The following FAM118B variants were observed in gnomAD, a reference collection of about 807,000 sequenced individuals.
FAM118B encodes the protein SIR2 antiphage like 1, also known as protein FAM118B.
Under a neutral mutation model 38.5 loss-of-function variants are expected in FAM118B, and 24 were observed. The observed-to-expected ratio is 0.62, with a 90% CI of 0.45 to 0.88. The LOEUF (loss-of-function observed/expected upper bound fraction) is 0.88. Ranked by LOEUF, FAM118B falls within the 40% of genes least tolerant of loss-of-function variation. The pLI is 0.00. For missense variants in FAM118B, 334 were observed against 420.0 expected (o/e 0.80, Z 1.79); for synonymous variants, 138 against 156.3 (o/e 0.88, Z 0.87).
chr11:126,254,213 G>T (rs1950543346), intron 5 of FAM118B, 92 bp from the exon 6 acceptor site: 19 of 1,457,038 alleles, frequency 1.3e-5, no homozygotes, highest in Non-Finnish European at 1.8e-5. Flanking sequence ...TATGTCAGAA[G>T]TCTAGTCCTC....
chr11:126,211,958 C>G (rs1175350958), intron 1 of FAM118B, 128 bp downstream of exon 1: 1 of 316,068 alleles, frequency 3.2e-6, no homozygotes, highest in Non-Finnish European at 5.9e-6. Context: ...CCTTTTGGTA[C>G]ACGATCCCAC....
At chr11:126,249,604 G>A (rs888609248) in intron 4 of FAM118B, among the ~76,000 whole-genome samples, 1 of 151,858 alleles carries the variant, frequency 6.6e-6, no homozygotes, top group South Asian at 2.1e-4. Context: ...AGTGGCAGGC[G>A]CCTGTAATCC....
intron 7 of FAM118B, among the ~76,000 whole-genome samples, chr11:126,257,812 T>C (rs933993012): frequency 2.0e-5 from 3 of 152,154 alleles, no homozygotes; most frequent in Non-Finnish European, 4.4e-5. Flanking sequence ...AGTCAGAGGA[T>C]AGGGGTATCA....
chr11:126,235,575 G>A (rs1251478915), intron 3 of FAM118B, among the ~76,000 whole-genome samples: 2 of 151,976 alleles, frequency 1.3e-5, no homozygotes, highest in African/African-American at 4.8e-5. Context: ...CTGGAGTTCA[G>A]TGGCACGATC....
rs1245677715 is a variant in FAM118B, at chr11:126,237,887, A to G, written c.86+2800A>G. Among the ~76,000 whole-genome samples, 6 of 150,456 alleles carry G rather than the reference A, an allele frequency of 4.0e-5. No homozygotes were observed. The East Asian group carries it at 9.8e-4, about 25-fold the overall frequency. Reference sequence around the variant, plus strand: ...AAAAAAAAAAAAGAAAAGAAAAAATATATGTGAGGATATCATTGTTTTCTT... The same window carrying G: ...AAAAAAAAAAAAGAAAAGAAAAAATGTATGTGAGGATATCATTGTTTTCTT... On this transcript the variant is annotated intron_variant, in intron 3 of 8. Transcript: ENST00000533050.
intron 4 of FAM118B, among the ~76,000 whole-genome samples, chr11:126,245,811 A>T (rs950912353): frequency 5.3e-5 from 8 of 152,192 alleles, no homozygotes; most frequent in Admixed American, 2.0e-4. Context: ...AGCCTGGCCA[A>T]CATGGTGAAA....
chr11:126,221,453 A>C (rs1400519923), intron 1 of FAM118B, among the ~76,000 whole-genome samples: 1 of 152,208 alleles, frequency 6.6e-6, no homozygotes, highest in African/African-American at 2.4e-5. Flanking sequence ...TATTTCTACT[A>C]TTCAGAGATC....
At chr11:126,243,023 A>G (rs985601781) in intron 4 of FAM118B, among the ~76,000 whole-genome samples, 13 of 152,228 alleles carry the variant, frequency 8.5e-5, no homozygotes, top group Non-Finnish European at 1.6e-4. Flanking sequence ...TTAATTGGCC[A>G]TTAAAAGGAA....
intron 2 of FAM118B, among the ~76,000 whole-genome samples, chr11:126,233,941 A>T (rs1950239881): frequency 6.6e-6 from 1 of 152,004 alleles, no homozygotes; most frequent in Non-Finnish European, 1.5e-5. Flanking sequence ...ATTCCACCAG[A>T]TGTGGTAGCA....
At chr11:126,248,038 C>T (rs1326393848) in intron 4 of FAM118B, among the ~76,000 whole-genome samples, 4 of 149,844 alleles carry the variant, frequency 2.7e-5, no homozygotes, top group South Asian at 2.1e-4. Context: ...CCCAGCTACT[C>T]GGGAGGATGA....
chr11:126,259,749 TTC>T (rs1336922489), intron 7 of FAM118B, among the ~76,000 whole-genome samples: 1 of 136,774 alleles, frequency 7.3e-6, no homozygotes, highest in Non-Finnish European at 1.6e-5. Flanking sequence ...GAGATGGAGT[TTC>T]TCTCTGTCAC....
chr11:126,261,514 ACT>A (rs2135228713), intron 8 of FAM118B, 30 bp downstream of exon 8: 1 of 1,570,682 alleles, frequency 6.4e-7, no homozygotes, highest in East Asian at 2.2e-5. Context: ...ACTATTTATC[ACT>A]CTGTAGCAGA....
rs138767340 is a variant in FAM118B at position 126,261,440 on chromosome 11, A to G, written c.998A>G (p.Glu333Gly). The change falls in exon 8 of 9, where the codon GAA becomes GGA. Residue 333 changes from glutamate (E) to glycine (G), a missense_variant. Glu to Gly is a moderately conservative substitution (Grantham distance 98). This residue lies in a region of FAM118B where 88 missense variants were observed against 98.1 expected (regional missense o/e 0.90). Coordinates refer to ENST00000533050, the MANE Select transcript of FAM118B (RefSeq NM_024556.4). ...TRGTSAGMVR[E>G]GQLNGSSAAH... ...CTCTATTTAGCAGGGATGGTGAGAG[A>G]AGGTCAGCTAAATGGCTCATCTGCA... The G allele has an allele frequency of 3.7e-5, 60 of 1,613,080 alleles. 1 individual carries two copies. In the African/African-American group the frequency reaches 5.1e-4, roughly 14 times the overall value.
intron 3 of FAM118B, among the ~76,000 whole-genome samples, 179 bp downstream of exon 3, chr11:126,235,266 C>T (rs1344051656): frequency 6.6e-6 from 1 of 152,138 alleles, no homozygotes; most frequent in Admixed American, 6.5e-5. Flanking sequence ...AGTACAGGTA[C>T]ATAGTTTTTA....
intron 4 of FAM118B, among the ~76,000 whole-genome samples, chr11:126,247,913 A>G (rs914149106): frequency 6.8e-6 from 1 of 147,014 alleles, no homozygotes; most frequent in East Asian, 2.0e-4. Context: ...GTATATCTAT[A>G]TAGATACGTA....
At chr11:126,225,703 G>A (rs1416543040) in intron 1 of FAM118B, among the ~76,000 whole-genome samples, 2 of 152,356 alleles carry the variant, frequency 1.3e-5, no homozygotes, top group East Asian at 3.9e-4. Flanking sequence ...TTGGAGTGAA[G>A]TAAGATTACT....
chr11:126,249,668 G>A (rs1950469376), intron 4 of FAM118B, among the ~76,000 whole-genome samples: 2 of 139,824 alleles, frequency 1.4e-5, no homozygotes, highest in Admixed American at 8.1e-5. Context: ...CGGGGCGGAG[G>A]TTGCAGTGAG....
intron 4 of FAM118B, among the ~76,000 whole-genome samples, chr11:126,246,594 G>A (rs1950421915): frequency 6.6e-6 from 1 of 152,210 alleles, no homozygotes; most frequent in South Asian, 2.1e-4. Flanking sequence ...GGCGGTGGGG[G>A]AACAGGTTTT....
At chr11:126,219,674 G>A (rs557497330) in intron 1 of FAM118B, among the ~76,000 whole-genome samples, 1 of 151,826 alleles carries the variant, frequency 6.6e-6, no homozygotes, top group Non-Finnish European at 1.5e-5. Flanking sequence ...TTAGTACTTC[G>A]CAGTTTTATG....
Sources: allele counts gnomAD v4.1 joint callset (sites outside exome capture counted in the v4.1 genomes callset), GRCh38; gene constraint gnomAD v4.1.1; regional missense constraint gnomAD v4.1.1; transcripts MANE v1.5; gene names NCBI Gene and HGNC (gene_info 2026-07-23, HGNC 2026-07-21).